Variants in TMEM217B observed in about 807,000 individuals in gnomAD.
TMEM217B encodes transmembrane protein 217B.
chr6:37,246,171 T>C, the TMEM217B span, among the ~76,000 whole-genome samples: 1 of 152,146 alleles, frequency 6.6e-6, no homozygotes, highest in South Asian at 2.1e-4. Context: ...TCTCTTCTAC[T>C]TCTCCTCTAA....
chr6:37,231,852 T>C, the TMEM217B span, among the ~76,000 whole-genome samples: 4 of 151,406 alleles, frequency 2.6e-5, no homozygotes, highest in African/African-American at 9.7e-5. Context: ...TCTTCCCACT[T>C]TCAGACCATT....
At chr6:37,254,127 GC>G in the TMEM217B span, among the ~76,000 whole-genome samples, 1 of 152,222 alleles carries the variant, frequency 6.6e-6, no homozygotes, top group East Asian at 1.9e-4. Context: ...CCATGGATCA[GC>G]AGCATCAGTG....
At chr6:37,236,557 T>G in the TMEM217B span, among the ~76,000 whole-genome samples, 3 of 152,084 alleles carry the variant, frequency 2.0e-5, no homozygotes, top group African/African-American at 7.2e-5. Flanking sequence ...ATCCGCAAAT[T>G]TGCAAGTCAA....
chr6:37,232,574 TCCTACTAC>T, the TMEM217B span, among the ~76,000 whole-genome samples: 1 of 84,818 alleles, frequency 1.2e-5, no homozygotes, highest in Non-Finnish European at 2.6e-5. Flanking sequence ...TGCTGGGAAA[TCCTACTAC>T]CCTTCTCTGG....
At chr6:37,223,974 G>C in the TMEM217B span, among the ~76,000 whole-genome samples, 1 of 144,564 alleles carries the variant, frequency 6.9e-6, no homozygotes, top group Non-Finnish European at 1.5e-5. Flanking sequence ...ATCTCACTCT[G>C]TCACCAGGCT....
chr6:37,213,110 C>T, the TMEM217B span: 3 of 735,188 alleles, frequency 4.1e-6, no homozygotes, highest in African/African-American at 3.5e-5. Context: ...GGTGTGTGGA[C>T]AGGCAATAGG....
chr6:37,220,487 A>G, the TMEM217B span, among the ~76,000 whole-genome samples: 4 of 152,188 alleles, frequency 2.6e-5, no homozygotes, highest in East Asian at 7.7e-4. Flanking sequence ...TTGGCTTGTT[A>G]ACTACACTGA....
chr6:37,218,068 A>G, the TMEM217B span: 8 of 1,002,484 alleles, frequency 8.0e-6, no homozygotes, highest in Non-Finnish European at 8.3e-6. Flanking sequence ...AAGTGGGGGG[A>G]AAAAAGGAAA....
the TMEM217B span, among the ~76,000 whole-genome samples, chr6:37,222,689 A>C: frequency 6.6e-6 from 1 of 152,166 alleles, no homozygotes; most frequent in Non-Finnish European, 1.5e-5. Context: ...GCACAGCCAC[A>C]GTTTGGGCAG....
chr6:37,244,844 G>A, the TMEM217B span, among the ~76,000 whole-genome samples: 1 of 152,180 alleles, frequency 6.6e-6, no homozygotes, highest in Non-Finnish European at 1.5e-5. Flanking sequence ...GGTTGGCCAG[G>A]CAATTTTGTT....
the TMEM217B span, chr6:37,217,594 T>G: frequency 1.0e-6 from 1 of 980,592 alleles, no homozygotes; most frequent in Non-Finnish European, 1.2e-6. Context: ...TTCACACTCC[T>G]TGACAAATTT....
chr6:37,215,770 G>A, the TMEM217B span, among the ~76,000 whole-genome samples: 1 of 152,080 alleles, frequency 6.6e-6, no homozygotes, highest in Non-Finnish European at 1.5e-5. Context: ...AGAGACATGG[G>A]CATTAACTAG....
At chr6:37,257,086 G>T in the TMEM217B span, among the ~76,000 whole-genome samples, 87 of 152,262 alleles carry the variant, frequency 5.7e-4, no homozygotes, top group African/African-American at 1.9e-3. Context: ...TCAAAGAAAT[G>T]GTATTTGGTA....
the TMEM217B span, among the ~76,000 whole-genome samples, chr6:37,234,950 A>G: frequency 6.6e-6 from 1 of 152,162 alleles, no homozygotes; most frequent in Non-Finnish European, 1.5e-5. Flanking sequence ...AATTTATGAA[A>G]ATATAATTAT....
At chr6:37,255,776 G>A in the TMEM217B span, among the ~76,000 whole-genome samples, 1 of 152,162 alleles carries the variant, frequency 6.6e-6, no homozygotes, top group East Asian at 1.9e-4. Context: ...GCAGGCTGCT[G>A]TAAGCAGGTG....
the TMEM217B span, among the ~76,000 whole-genome samples, chr6:37,225,093 C>T: frequency 0.012 from 1,880 of 151,600 alleles, 31 homozygotes; most frequent in Middle Eastern, 0.068. Flanking sequence ...TCAGCTACTC[C>T]GGAGGCTGAG....
the TMEM217B span, chr6:37,218,071 A>G: frequency 9.9e-7 from 1 of 1,005,804 alleles, no homozygotes; most frequent in Non-Finnish European, 1.2e-6. Flanking sequence ...TGGGGGGAAA[A>G]AAGGAAATAG....
At chr6:37,215,262 G>A in the TMEM217B span, 5 of 1,613,748 alleles carry the variant, frequency 3.1e-6, no homozygotes, top group Admixed American at 5.0e-5. Flanking sequence ...AGACAGACAG[G>A]TAAATATGCT....
the TMEM217B span, among the ~76,000 whole-genome samples, chr6:37,233,155 C>T: frequency 2.0e-5 from 3 of 152,200 alleles, no homozygotes; most frequent in East Asian, 3.9e-4. Flanking sequence ...ACTCCCACCC[C>T]CACCTACTGT....
Sources: gnomAD v4.1 joint callset for allele counts (sites outside exome capture counted in the v4.1 genomes callset) on GRCh38, gnomAD v4.1.1 for gene constraint, MANE v1.5 for transcripts, NCBI Gene and HGNC (gene_info 2026-07-23, HGNC 2026-07-21) for gene names.